The following KIF16B variants were observed in gnomAD, a reference collection of about 807,000 sequenced individuals.
KIF16B encodes kinesin-like protein KIF16B.
KIF16B carries 98 observed loss-of-function variants against 156.3 expected under a neutral mutation model. The ratio of observed to expected loss-of-function variants is 0.63; its 90% CI spans 0.53 to 0.74. The LOEUF (loss-of-function observed/expected upper bound fraction) is 0.74, where lower values mean the gene tolerates loss of function less well. KIF16B is among the 30% of genes least tolerant of loss of function. The pLI is 0.00. For missense variants in KIF16B, 1,421 were observed against 1,606.5 expected (o/e 0.88, Z 1.97); for synonymous variants, 564 against 583.7 (o/e 0.97, Z 0.49).
At chr20:16,419,164 C>T (rs144054544) in intron 15 of KIF16B, among the ~76,000 whole-genome samples, 12 of 152,208 alleles carry the variant, frequency 7.9e-5, no homozygotes, top group African/African-American at 2.6e-4. Flanking sequence ...TAGGTATAGT[C>T]TGTTAAGAAG....
intron 12 of KIF16B, among the ~76,000 whole-genome samples, chr20:16,482,842 C>T (rs1169084676): frequency 6.6e-6 from 1 of 152,114 alleles, no homozygotes; most frequent in East Asian, 1.9e-4. Context: ...AATGGTGTCA[C>T]CCTGATTCAC....
intron 12 of KIF16B, among the ~76,000 whole-genome samples, chr20:16,480,527 T>C (rs2067951032): frequency 6.6e-6 from 1 of 152,170 alleles, no homozygotes; most frequent in Admixed American, 6.5e-5. Context: ...ACTCAAGATA[T>C]GTCAAAAGAA....
At chr20:16,521,493 A>C (rs974686720) in intron 3 of KIF16B, among the ~76,000 whole-genome samples, 1 of 152,108 alleles carries the variant, frequency 6.6e-6, no homozygotes, top group African/African-American at 2.4e-5. Flanking sequence ...AGGAATGAAC[A>C]GAGCCTCCAA....
intron 12 of KIF16B, among the ~76,000 whole-genome samples, chr20:16,487,935 C>T (rs1157268277): frequency 6.6e-6 from 1 of 152,148 alleles, no homozygotes. Context: ...CCAAATAATT[C>T]CACATAATTA....
At chr20:16,427,414 T>C (rs898819084) in intron 14 of KIF16B, among the ~76,000 whole-genome samples, 173 bp from the exon 15 acceptor site, 2 of 152,146 alleles carry the variant, frequency 1.3e-5, no homozygotes, top group Admixed American at 6.6e-5. Context: ...CAGGAGCTCA[T>C]GACGTTCAAT....
At chr20:16,351,415 C>CA (rs1256340567) in intron 23 of KIF16B, among the ~76,000 whole-genome samples, 1 of 152,176 alleles carries the variant, frequency 6.6e-6, no homozygotes, top group Non-Finnish European at 1.5e-5. Context: ...CTGAAAATGG[C>CA]AAGCATAATG....
intron 12 of KIF16B, among the ~76,000 whole-genome samples, chr20:16,480,235 A>T (rs2067941549): frequency 6.6e-6 from 1 of 152,220 alleles, no homozygotes; most frequent in Admixed American, 6.5e-5. Context: ...AGGGACAAAA[A>T]GAAAGCCCTC....
intron 22 of KIF16B, chr20:16,367,177 A>C (rs2064686574): frequency 6.2e-7 from 1 of 1,607,016 alleles, no homozygotes; most frequent in Admixed American, 1.7e-5. Context: ...GATTAGCCAA[A>C]GAGCCTCATC....
At chr20:16,539,992 C>T (rs778255694) in intron 1 of KIF16B, among the ~76,000 whole-genome samples, 7 of 152,180 alleles carry the variant, frequency 4.6e-5, no homozygotes, top group African/African-American at 7.2e-5. Context: ...AAGTTACATA[C>T]TATGAACCAA....
intron 1 of KIF16B, among the ~76,000 whole-genome samples, chr20:16,545,904 C>CAA (rs374839647): frequency 0.08 from 10,757 of 134,674 alleles, 482 homozygotes; most frequent in South Asian, 0.17. Flanking sequence ...TGGCAGCTTA[C>CAA]AAAAAAAAAA....
chr20:16,355,291 C>T (rs1220099660), intron 23 of KIF16B, among the ~76,000 whole-genome samples: 3 of 152,128 alleles, frequency 2.0e-5, no homozygotes, highest in Non-Finnish European at 4.4e-5. Flanking sequence ...CTGCCTTTTA[C>T]GGTGTCCTTC....
chr20:16,523,492 C>T (rs4603848), intron 3 of KIF16B, among the ~76,000 whole-genome samples: 97,470 of 151,956 alleles, frequency 0.64, 33,436 homozygotes, highest in African/African-American at 0.9. Context: ...GTGAAGGACC[C>T]CTTCAAGGAG....
intron 12 of KIF16B, among the ~76,000 whole-genome samples, chr20:16,479,810 G>A (rs1456185852): frequency 6.6e-6 from 1 of 152,184 alleles, no homozygotes. Context: ...CTAGGTCTGT[G>A]TAAGTCACTC....
chr20:16,522,140 T>G (rs925001601), intron 3 of KIF16B, among the ~76,000 whole-genome samples: 2 of 152,124 alleles, frequency 1.3e-5, no homozygotes, highest in Non-Finnish European at 2.9e-5. Context: ...CAGCTTAGCA[T>G]CATGATGACA....
intron 12 of KIF16B, among the ~76,000 whole-genome samples, chr20:16,464,003 A>G (rs1271303596): frequency 6.6e-6 from 1 of 152,208 alleles, no homozygotes; most frequent in Non-Finnish European, 1.5e-5. Context: ...GGCCCCATCA[A>G]TGCCCTTTGG....
At chr20:16,281,980 C>A (rs2063152779) in intron 25 of KIF16B, among the ~76,000 whole-genome samples, 1 of 151,936 alleles carries the variant, frequency 6.6e-6, no homozygotes, top group African/African-American at 2.4e-5. Flanking sequence ...AAGCTTTCTA[C>A]ACACCAGTGT....
intron 17 of KIF16B, among the ~76,000 whole-genome samples, chr20:16,389,359 GT>G (rs2065307274): frequency 6.6e-6 from 1 of 152,164 alleles, no homozygotes; most frequent in South Asian, 2.1e-4. Flanking sequence ...TATGCAGCTA[GT>G]TCTGATCAAG....
chr20:16,520,385 AC>A (rs1021839843), intron 3 of KIF16B, among the ~76,000 whole-genome samples: 2 of 152,020 alleles, frequency 1.3e-5, no homozygotes, highest in South Asian at 2.1e-4. Context: ...GGGTGGTTTT[AC>A]CCTCACAGTG....
intron 17 of KIF16B, among the ~76,000 whole-genome samples, chr20:16,401,311 C>T (rs1269298817): frequency 6.6e-6 from 1 of 152,130 alleles, no homozygotes; most frequent in African/African-American, 2.4e-5. Flanking sequence ...GGCCCTCTTC[C>T]CACCTATGGC....
Sources: gnomAD v4.1 joint callset for allele counts (sites outside exome capture counted in the v4.1 genomes callset) on GRCh38, gnomAD v4.1.1 for gene constraint, MANE v1.5 for transcripts, NCBI Gene and HGNC (gene_info 2026-07-23, HGNC 2026-07-21) for gene names.